ANGPTL6: variants seen among roughly 807,000 people sequenced by gnomAD.
The protein encoded by ANGPTL6 is angiopoietin like 6, also known as angiopoietin-related protein 6.
A neutral mutation model predicts 47.4 loss-of-function variants in ANGPTL6; 45 were observed. The observed-to-expected ratio is 0.95, with a 90% CI of 0.75 to 1.22. The LOEUF is 1.22. Among genes scored for constraint, ANGPTL6 ranks in the 50% most tolerant of loss-of-function variants. The pLI is 0.00. For synonymous variants in ANGPTL6, 290 were observed against 295.9 expected (o/e 0.98, Z 0.20); for missense variants, 698 against 669.4 (o/e 1.04, Z -0.47).
At chr19:10,095,009 A>G in intron 2 of ANGPTL6, 71 bp from the exon 3 acceptor site, 1 of 1,417,300 alleles carries the variant, frequency 7.1e-7, no homozygotes, top group South Asian at 1.4e-5. Context: ...TCAGGGGCAG[A>G]AATGGTGGAT....
At chr19:10,097,509 G>A (rs1002603523) in intron 1 of ANGPTL6, among the ~76,000 whole-genome samples, 17 of 151,996 alleles carry the variant, frequency 1.1e-4, no homozygotes, top group Non-Finnish European at 2.5e-4. Flanking sequence ...AAATAAATAT[G>A]TACTGTATAG....
At chr19:10,101,546 G>A (rs544359820) in intron 1 of ANGPTL6, among the ~76,000 whole-genome samples, 15 of 152,188 alleles carry the variant, frequency 9.9e-5, no homozygotes, top group Middle Eastern at 3.4e-3. Flanking sequence ...GGTGGCTCAC[G>A]CCTGTAATCC....
chr19:10,099,446 G>A (rs938646129), intron 1 of ANGPTL6, among the ~76,000 whole-genome samples: 3 of 151,688 alleles, frequency 2.0e-5, no homozygotes, highest in African/African-American at 7.3e-5. Flanking sequence ...GCGTGGTGGC[G>A]GCTGCCTGTA....
At position 10,092,685 on chromosome 19, in the gene ANGPTL6, T is replaced by C. The variant is rs1490625582; in HGVS notation, c.1317A>G (p.Arg439=). The change falls in exon 6 of 6, where the codon CGA becomes CGG. Residue 439 remains arginine, a synonymous_variant. Transcript: ENST00000253109. ...NGVWHHGGHY[R]SRYQDGVYWA... is the part of the protein sequence containing the mutation. ...AGTAGACACCATCCTGGTAGCGGCT[T>C]CGGTAGTGGCCGCCGTGGTGCCACA... is the stretch of plus-strand genomic sequence containing the variant. 2 of 1,613,888 alleles carry C rather than the reference T, an allele frequency of 1.2e-6. No homozygotes were observed. Among genetic ancestry groups the C allele is most frequent in the African/African-American group, 2.7e-5 (2 of 74,902 alleles).
chr19:10,104,189 A>G (rs1304544195), upstream of ANGPTL6, among the ~76,000 whole-genome samples: 1 of 152,148 alleles, frequency 6.6e-6, no homozygotes, highest in Admixed American at 6.5e-5. Flanking sequence ...GCATTCATAT[A>G]TTCAACACTG....
rs764608024 is a variant in ANGPTL6 at position 10,093,465 on chromosome 19, T to G, written c.1106A>C (p.Glu369Ala). Residue 369 changes from glutamate to alanine, a missense_variant, in exon 5 of 6, where the codon GAG (glutamate) becomes GCG (alanine). Physicochemically the swap from Glu to Ala is moderately radical, Grantham distance 107 (BLOSUM62 -1). Coordinates refer to ENST00000253109, the MANE Select transcript of ANGPTL6 (RefSeq NM_031917.3). ...AAGCCGCAGGCGGTAGTGGTCGCTC[T>G]CGGGTTCCAGGGAGAAGCCATCATA... ...AHYDGFSLEPESDHYRLRLGQ... is the reference protein window; with the variant it reads ...AHYDGFSLEPASDHYRLRLGQ... The G allele has an allele frequency of 3.7e-6, 6 of 1,614,212 alleles. No individual in the cohort carries two copies. The South Asian group carries it at 6.6e-5, about 18-fold the overall frequency.
In ANGPTL6 at chr19:10,095,996, C is replaced by A; in HGVS notation, c.568G>T (p.Gly190Cys). Residue 190 changes from glycine (G) to cysteine (C), a missense_variant, in exon 2 of 6, where the codon GGC becomes TGC. Coordinates refer to ENST00000253109, the MANE Select transcript of ANGPTL6 (RefSeq NM_031917.3). ...RLERLCPGGA[G>C]GQQQVLPPPP... is the part of the protein sequence containing the mutation. ...TGCGAGGTTACCTGCTGCTGCCCGCCCGCGCCTCCCGGGCACAGGCGCTCC... is the reference window on the plus strand; with the variant it reads ...TGCGAGGTTACCTGCTGCTGCCCGCACGCGCCTCCCGGGCACAGGCGCTCC... The A allele has an allele frequency of 7.5e-7, 1 of 1,341,164 alleles. No individual in the cohort carries two copies. Among genetic ancestry groups the A allele is most frequent in the Admixed American group, 3.0e-5 (1 of 32,918 alleles). The allele number at this position is 1,341,164 out of a possible 1,614,324, so 83.1% of individuals were successfully genotyped here. A position where few individuals can be genotyped will look rare whatever the true frequency, so the allele number is the denominator to read the frequency against.
intron 1 of ANGPTL6, among the ~76,000 whole-genome samples, chr19:10,102,226 T>C (rs988788884): frequency 6.6e-6 from 1 of 151,366 alleles, no homozygotes; most frequent in African/African-American, 2.4e-5. Context: ...TGAAGGGTCC[T>C]GTGGGCCCGG....
In ANGPTL6 at chr19:10,096,518, C is replaced by T. The variant is rs1313607728; in HGVS notation, c.46G>A (p.Gly16Ser). ...LRALQLLLLL[G>S]ASWARAGAPR... ...GCGCCCGCCCGCGCCCACGACGCGC[C>T]CAGCAGGAGCAGCAGCTGTAGCGCA... Residue 16 changes from glycine to serine, a missense_variant, in exon 2 of 6, where the codon GGC (glycine) becomes AGC (serine). Gly to Ser is a moderately conservative substitution (Grantham distance 56). Coordinates refer to ENST00000253109, the MANE Select transcript of ANGPTL6 (RefSeq NM_031917.3). 1 of 1,514,428 alleles carries T rather than the reference C, an allele frequency of 6.6e-7. No homozygotes were observed. Among genetic ancestry groups the T allele is most frequent in the Non-Finnish European group, 8.8e-7 (1 of 1,138,060 alleles). The allele number at this position is 1,514,428 out of a possible 1,614,324, so 93.8% of individuals were successfully genotyped here. A position where few individuals can be genotyped will look rare whatever the true frequency, so the allele number is the denominator to read the frequency against.
At chr19:10,094,560 G>A (rs1599284047) in intron 3 of ANGPTL6, 198 bp downstream of exon 3, 6 of 669,766 alleles carry the variant, frequency 9.0e-6, no homozygotes, top group Middle Eastern at 3.8e-4. Context: ...CCCAAACATC[G>A]CCTCACTAAA....
At chr19:10,103,286 G>A (rs145417152), upstream of ANGPTL6, among the ~76,000 whole-genome samples, 5 of 151,792 alleles carry the variant, frequency 3.3e-5, no homozygotes, top group South Asian at 2.1e-4. Flanking sequence ...TTGCACGCAC[G>A]CACACATTAA....
rs200836122 is a variant in ANGPTL6, at chr19:10,095,986, T to C, written c.578A>G (p.Gln193Arg). The change falls in exon 2 of 6, where the codon CAG (glutamine) becomes CGG (arginine). Residue 193 changes from glutamine to arginine, a missense_variant. Gln to Arg is a conservative substitution (Grantham distance 43, BLOSUM62 1). Coordinates refer to ENST00000253109, the MANE Select transcript of ANGPTL6 (RefSeq NM_031917.3). ...CCGGGGAGGCTGCGAGGTTACCTGC[T>C]GCTGCCCGCCCGCGCCTCCCGGGCA... Reference protein sequence around the residue: ...RLCPGGAGGQQQVLPPPPLVP... With the variant: ...RLCPGGAGGQRQVLPPPPLVP... 1,553 of 1,328,662 alleles carry C rather than the reference T, an allele frequency of 1.2e-3. 2 individuals are homozygous for C. The highest frequency in any genetic ancestry group is 1.4e-3 in the Non-Finnish European group (1,482 of 1,035,924). The allele number at this position is 1,328,662 out of a possible 1,614,324, so 82.3% of individuals were successfully genotyped here. A position where few individuals can be genotyped will look rare whatever the true frequency, so the allele number is the denominator to read the frequency against.
rs1429852623 is a variant in ANGPTL6, at chr19:10,102,677, G to C, written c.-120C>G. On this transcript the variant is annotated 5_prime_UTR_variant, in exon 1 of 6. Transcript: ENST00000253109. ...CTGAGCTAGAGACGGGGAGAGGGCA[G>C]TGGGACAGAAGGAGAGAGGAGGCTT... The C allele has an allele frequency of 3.8e-5, 37 of 984,838 alleles. 2 individuals are homozygous for C. The highest frequency in any genetic ancestry group is 4.5e-5 in the Non-Finnish European group (37 of 829,614). 61.0% of individuals were successfully genotyped at this position (984,838 alleles called of 1,614,324 possible).
chr19:10,095,031 C>T, intron 2 of ANGPTL6, 93 bp from the exon 3 acceptor site: 1 of 1,298,504 alleles, frequency 7.7e-7, no homozygotes, highest in South Asian at 1.5e-5. Flanking sequence ...AATCTCCCAG[C>T]TCCCAAATGA....
At chr19:10,095,494 G>A (rs2088507047) in intron 2 of ANGPTL6, among the ~76,000 whole-genome samples, 1 of 152,110 alleles carries the variant, frequency 6.6e-6, no homozygotes. Context: ...ATTGATCTGT[G>A]CCCCAGCCTC....
upstream of ANGPTL6, chr19:10,102,850 A>C: frequency 1.2e-6 from 1 of 849,566 alleles, no homozygotes; most frequent in Non-Finnish European, 1.4e-6. Flanking sequence ...GCCTGATAAC[A>C]CAGGTCAGTG....
upstream of ANGPTL6, chr19:10,102,848 A>G: frequency 1.1e-6 from 1 of 872,370 alleles, no homozygotes; most frequent in Non-Finnish European, 1.4e-6. Context: ...GAGCCTGATA[A>G]CACAGGTCAG....
chr19:10,106,066 G>A (rs960613578), upstream of ANGPTL6, among the ~76,000 whole-genome samples: 1 of 152,258 alleles, frequency 6.6e-6, no homozygotes, highest in Non-Finnish European at 1.5e-5. Context: ...GACATTATCA[G>A]CCTTACTTTG....
intron 5 of ANGPTL6, 169 bp downstream of exon 5, chr19:10,093,180 C>T: frequency 1.1e-6 from 1 of 906,624 alleles, no homozygotes; most frequent in Non-Finnish European, 1.7e-6. Context: ...ACTCCCCATC[C>T]CCCCACCAGG....
Sources: allele counts gnomAD v4.1 joint callset (sites outside exome capture counted in the v4.1 genomes callset), GRCh38; gene constraint gnomAD v4.1.1; transcripts MANE v1.5; gene names NCBI Gene and HGNC (gene_info 2026-07-23, HGNC 2026-07-21).